MYO5B: variants seen among roughly 807,000 people sequenced by gnomAD.
MYO5B encodes the protein unconventional myosin-Vb.
In MYO5B, 143 loss-of-function variants were observed where a neutral mutation model predicts 229.3. The observed-to-expected ratio is 0.62, with a 90% CI of 0.54 to 0.72. The LOEUF is 0.72. Among genes scored for constraint, MYO5B ranks in the 30% least tolerant of loss-of-function variants. MYO5B has a pLI of 0.00. For synonymous variants in MYO5B, 918 were observed against 885.2 expected (o/e 1.04, Z -0.66); for missense variants, 2,321 against 2,331.0 (o/e 1.00, Z 0.09).
At chr18:50,120,368 A>AAAGGTG (rs2032037785) in intron 1 of MYO5B, among the ~76,000 whole-genome samples, 1 of 152,236 alleles carries the variant, frequency 6.6e-6, no homozygotes, top group Non-Finnish European at 1.5e-5. Context: ...CTGACTCACT[A>AAAGGTG]AAGGTGAAAC....
chr18:49,995,279 G>T (rs1238032053), intron 5 of MYO5B, among the ~76,000 whole-genome samples: 7 of 146,338 alleles, frequency 4.8e-5, no homozygotes, highest in African/African-American at 1.8e-4. Flanking sequence ...TTTTGAGATG[G>T]AGTCTCGCTC....
At chr18:49,855,100 G>A (rs1450873180) in intron 30 of MYO5B, among the ~76,000 whole-genome samples, 1 of 152,102 alleles carries the variant, frequency 6.6e-6, no homozygotes, top group African/African-American at 2.4e-5. Context: ...ATCCAATATT[G>A]GCTACAGTAA....
chr18:49,936,393 T>G, intron 15 of MYO5B, 44 bp from the exon 16 acceptor site: 1 of 1,402,400 alleles, frequency 7.1e-7, no homozygotes, highest in Non-Finnish European at 9.9e-7. Context: ...TAACAAGTCG[T>G]GGATGTGTGA....
At chr18:49,883,309 C>T (rs539931614) in intron 22 of MYO5B, among the ~76,000 whole-genome samples, 76 of 152,014 alleles carry the variant, frequency 5.0e-4, no homozygotes, top group African/African-American at 1.8e-3. Context: ...GTTGCAGGGT[C>T]CAATTTCAAT....
chr18:49,921,947 G>A (rs913630292), intron 17 of MYO5B, among the ~76,000 whole-genome samples: 4 of 152,210 alleles, frequency 2.6e-5, no homozygotes, highest in African/African-American at 7.2e-5. Context: ...GGCCATTGAA[G>A]TTTCTTTTGG....
intron 14 of MYO5B, among the ~76,000 whole-genome samples, chr18:49,949,726 G>T (rs1265590305): frequency 6.6e-6 from 1 of 152,108 alleles, no homozygotes; most frequent in African/African-American, 2.4e-5. Context: ...TTACAAACAG[G>T]ATTTGAGATT....
rs558329448 is a variant in MYO5B at position 50,118,769 on chromosome 18, C to T, written c.28-63391G>A. ...CCTCCTGAGTAGCTGGGACTACAGG[C>T]GCCCGCCACTATGCCTGGCTAATTT... On this transcript the variant is annotated intron_variant, in intron 1 of 39. Transcript: ENST00000285039. 5.0e-3 allele frequency among the ~76,000 whole-genome samples: 761 copies of T among 151,946 alleles called. 10 individuals are homozygous for T. The highest frequency in any genetic ancestry group is 0.015 in the African/African-American group (636 of 41,498).
In MYO5B at chr18:49,967,121, AGAGT is replaced by A. The variant is rs763739678; in HGVS notation, c.1323-4095_1323-4092del. On this transcript the variant is annotated intron_variant, in intron 10 of 39. Transcript: ENST00000285039. The stretch of plus-strand genomic sequence containing the variant: ...TTGGGCCGGAGGAAGGTCAAAACAT[AGAGT>A]AAGAATCGATGCTGAAATGTGGCAT... 2.4e-3 allele frequency among the ~76,000 whole-genome samples: 370 copies of A among 152,304 alleles called. 1 individual carries two copies. The highest frequency in any genetic ancestry group is 4.6e-3 in the South Asian group (22 of 4,818).
chr18:50,184,728 C>T (rs1033761255), intron 1 of MYO5B, among the ~76,000 whole-genome samples: 3 of 151,908 alleles, frequency 2.0e-5, no homozygotes, highest in Non-Finnish European at 4.4e-5. Flanking sequence ...TTCTGGTTTC[C>T]ATGTTTTCCT....
intron 23 of MYO5B, 167 bp from the exon 24 acceptor site, chr18:49,879,257 C>T (rs958090759): frequency 5.2e-6 from 4 of 763,546 alleles, no homozygotes; most frequent in Non-Finnish European, 8.8e-6. Flanking sequence ...AAAGGTGAGT[C>T]TCATTACTCT....
rs553855253 is a variant in MYO5B, at chr18:49,938,443, T to C, written c.1753-1046A>G. On this transcript the variant is annotated intron_variant, in intron 14 of 39. Coordinates refer to ENST00000285039, the MANE Select transcript of MYO5B (RefSeq NM_001080467.3). ...GGCTTTTACCACACTCCTGCAGGGG[T>C]TGGGGGAAAAGGAGGGAGGGAAAAG... Among the ~76,000 whole-genome samples, 25 of 151,926 alleles carry C rather than the reference T, an allele frequency of 1.6e-4. No individual in the cohort carries two copies. In the East Asian group the frequency reaches 2.7e-3, roughly 17 times the overall value.
At chr18:49,895,565 T>C (rs2024769288) in intron 21 of MYO5B, among the ~76,000 whole-genome samples, 1 of 152,184 alleles carries the variant, frequency 6.6e-6, no homozygotes, top group Non-Finnish European at 1.5e-5. Flanking sequence ...TGCTCTTTCA[T>C]ACAGAGCCCT....
At chr18:50,028,039 A>T (rs1328237697) in intron 4 of MYO5B, among the ~76,000 whole-genome samples, 2 of 152,214 alleles carry the variant, frequency 1.3e-5, no homozygotes, top group Non-Finnish European at 2.9e-5. Flanking sequence ...TGAAAAAAGA[A>T]AAAACACAAG....
At chr18:49,990,714 C>T (rs1055483461) in intron 6 of MYO5B, among the ~76,000 whole-genome samples, 194 bp from the exon 7 acceptor site, 2 of 152,190 alleles carry the variant, frequency 1.3e-5, no homozygotes, top group Non-Finnish European at 2.9e-5. Context: ...CTTCTTCCAA[C>T]CTGAGGATTT....
chr18:49,882,060 A>G (rs1450828989), intron 22 of MYO5B, among the ~76,000 whole-genome samples: 2 of 152,276 alleles, frequency 1.3e-5, no homozygotes, highest in Middle Eastern at 3.4e-3. Context: ...TTTCCCTACT[A>G]AAATCACATC....
intron 1 of MYO5B, among the ~76,000 whole-genome samples, chr18:50,121,950 T>A (rs949184): frequency 0.82 from 124,781 of 152,198 alleles, 51,459 homozygotes; most frequent in Admixed American, 0.87. Context: ...CATCACCCTT[T>A]GTTTCCTTTT....
intron 18 of MYO5B, among the ~76,000 whole-genome samples, chr18:49,907,820 C>T (rs994775476): frequency 6.6e-6 from 1 of 152,258 alleles, no homozygotes; most frequent in Non-Finnish European, 1.5e-5. Flanking sequence ...CCAGGCTGCT[C>T]GTGAAGCTGG....
intron 1 of MYO5B, among the ~76,000 whole-genome samples, chr18:50,099,498 G>A (rs2031614315): frequency 6.6e-6 from 1 of 152,296 alleles, no homozygotes; most frequent in Non-Finnish European, 1.5e-5. Flanking sequence ...ACTCCCAAAA[G>A]CCTGGCTTAG....
chr18:50,006,309 T>G lies in MYO5B; in HGVS notation c.456-4898A>C, dbSNP rs561834510. The stretch of plus-strand genomic sequence containing the variant: ...GCTTCATCCATTCACCCCAATGACT[T>G]GGCTGGCAACTTGCATCAATCTGCT... On this transcript the variant is annotated intron_variant, in intron 4 of 39. Transcript: ENST00000285039. 3.3e-5 allele frequency among the ~76,000 whole-genome samples: 5 copies of G among 152,324 alleles called. No individual in the cohort carries two copies. The South Asian group carries it at 1.0e-3, about 32-fold the overall frequency.
Sources: allele counts gnomAD v4.1 joint callset (sites outside exome capture counted in the v4.1 genomes callset), GRCh38; gene constraint gnomAD v4.1.1; transcripts MANE v1.5; gene names NCBI Gene and HGNC (gene_info 2026-07-23, HGNC 2026-07-21).